Variants in RUBCN observed in about 807,000 individuals in gnomAD.
RUBCN encodes run domain Beclin-1-interacting and cysteine-rich domain-containing protein.
Under a neutral mutation model 113.2 loss-of-function variants are expected in RUBCN, and 74 were observed. That is an observed-to-expected ratio of 0.65 (90% CI 0.54 to 0.79). RUBCN has a LOEUF of 0.79. Ranked by LOEUF, RUBCN falls within the 30% of genes least tolerant of loss-of-function variation. The pLI is 0.00. For missense variants in RUBCN, 1,109 were observed against 1,251.7 expected, an observed-to-expected ratio of 0.89 and a Z score of 1.72; for synonymous variants, 480 against 490.0, an observed-to-expected ratio of 0.98 and a Z score of 0.27.
chr3:197,746,175 A>G (rs528046089), intron 1 of RUBCN, among the ~76,000 whole-genome samples: 1 of 152,270 alleles, frequency 6.6e-6, no homozygotes, highest in Non-Finnish European at 1.5e-5. Flanking sequence ...ATGACTAAGT[A>G]TAAAGTTTAC....
At chr3:197,735,012 T>C (rs1430648463) in intron 1 of RUBCN, among the ~76,000 whole-genome samples, 1 of 152,262 alleles carries the variant, frequency 6.6e-6, no homozygotes, top group Non-Finnish European at 1.5e-5. Flanking sequence ...CCCTTGTTGA[T>C]ATTTTCTCAG....
intron 11 of RUBCN, among the ~76,000 whole-genome samples, chr3:197,686,788 A>T (rs562746121): frequency 2.0e-4 from 30 of 152,210 alleles, no homozygotes; most frequent in Non-Finnish European, 3.8e-4. Flanking sequence ...TTTGTACAAA[A>T]ACAAGTATTG....
upstream of RUBCN, among the ~76,000 whole-genome samples, chr3:197,738,963 A>ATTAT (rs891557052): frequency 9.2e-5 from 14 of 151,478 alleles, no homozygotes; most frequent in African/African-American, 3.4e-4. Context: ...TTAACACTAT[A>ATTAT]TTATTTATTT....
At chr3:197,694,937 T>C (rs1722838906) in intron 9 of RUBCN, among the ~76,000 whole-genome samples, 1 of 152,236 alleles carries the variant, frequency 6.6e-6, no homozygotes, top group African/African-American at 2.4e-5. Flanking sequence ...GTCTATAAAA[T>C]GCTACACAGA....
chr3:197,719,994 G>A lies in RUBCN; in HGVS notation c.66-1864C>T, dbSNP rs543672842. Among the ~76,000 whole-genome samples, 31 of 152,114 alleles carry A rather than the reference G, an allele frequency of 2.0e-4. No individual in the cohort carries two copies. In the South Asian group the frequency reaches 2.7e-3, roughly 13 times the overall value. ...ACACCATACACTGCTGTTAACCCTCGTCATCTTACTGTGCACCAGAATGTA... is the reference window on the plus strand; with the variant it reads ...ACACCATACACTGCTGTTAACCCTCATCATCTTACTGTGCACCAGAATGTA... On this transcript the variant is annotated intron_variant, in intron 1 of 19. Coordinates refer to ENST00000296343, the MANE Select transcript of RUBCN (RefSeq NM_014687.4).
rs763349370 is a variant in RUBCN, at chr3:197,677,557, G to T, written c.2431-16C>A. 1 of 1,613,102 alleles carries T rather than the reference G, an allele frequency of 6.2e-7. No homozygotes were observed. The highest frequency in any genetic ancestry group is 2.2e-5 in the East Asian group (1 of 44,886). On this transcript the variant is annotated splice_polypyrimidine_tract_variant and intron_variant, in intron 16 of 19. Transcript: ENST00000296343. ...CCCGCAGCAGCTGAAAAGAAAGAGA[G>T]GGGGGCAGGAGTGGGAGGGAGATGT...
intron 11 of RUBCN, among the ~76,000 whole-genome samples, chr3:197,687,917 G>A (rs1171002508): frequency 1.3e-5 from 2 of 152,176 alleles, no homozygotes; most frequent in African/African-American, 2.4e-5. Flanking sequence ...AAGCCAGGAC[G>A]TCTGGATCTC....
In RUBCN at chr3:197,673,711, T is replaced by G. The variant is rs1267940756; in HGVS notation, c.*1307A>C. 7.9e-6 allele frequency: 1 copy of G among 126,528 alleles called. No homozygotes were observed. The highest frequency in any genetic ancestry group is 1.6e-5 in the Non-Finnish European group (1 of 61,872). The allele number at this position is 126,528 out of a possible 1,614,324, so 7.8% of individuals were successfully genotyped here. On this transcript the variant is annotated 3_prime_UTR_variant, in exon 20 of 20. Transcript: ENST00000296343. ...CCAAAATCAGCATTATCAAAAGGAC[T>G]TCACCATCAACACACATTAACGGGG...
rs112151178 is a variant in RUBCN at position 197,669,408 on chromosome 3, G to T, written c.*5610C>A. 0.031 allele frequency among the ~76,000 whole-genome samples: 4,662 copies of T among 152,230 alleles called. 140 individuals carry two copies. The highest frequency in any genetic ancestry group is 0.071 in the African/African-American group (2,949 of 41,528). On this transcript the variant is annotated 3_prime_UTR_variant, in exon 20 of 20. Coordinates refer to ENST00000296343, the MANE Select transcript of RUBCN (RefSeq NM_014687.4). ...TTCGAGACCTTGGCAATTTTGAGTA[G>T]GGTCAAGTGTTTTGTAGAAAGTTCC... is the stretch of plus-strand genomic sequence containing the variant.
At chr3:197,742,903 T>C (rs1728583896) in intron 1 of RUBCN, among the ~76,000 whole-genome samples, 1 of 152,246 alleles carries the variant, frequency 6.6e-6, no homozygotes, top group Non-Finnish European at 1.5e-5. Context: ...TTGTTTAGCT[T>C]TGGAAAATGC....
At chr3:197,713,934 G>A (rs142679505) in intron 2 of RUBCN, among the ~76,000 whole-genome samples, 4 of 151,990 alleles carry the variant, frequency 2.6e-5, no homozygotes, top group East Asian at 1.9e-4. Context: ...AAAATTAGCC[G>A]GGCGTGGTGG....
chr3:197,730,211 T>C (rs983956640), intron 1 of RUBCN, among the ~76,000 whole-genome samples: 13 of 152,194 alleles, frequency 8.5e-5, no homozygotes, highest in African/African-American at 3.1e-4. Flanking sequence ...ACCACCTCTC[T>C]ACTACTTACT....
upstream of RUBCN, chr3:197,749,805 C>T: frequency 6.3e-6 from 3 of 472,510 alleles, no homozygotes; most frequent in Non-Finnish European, 1.1e-5. Flanking sequence ...TCTGGTCGCC[C>T]GCGAGTGTCG....
upstream of RUBCN, among the ~76,000 whole-genome samples, chr3:197,739,820 G>A (rs1362997840): frequency 6.6e-6 from 1 of 152,196 alleles, no homozygotes; most frequent in African/African-American, 2.4e-5. Context: ...CGGGTCACTT[G>A]ACACCAGGAG....
chr3:197,748,680 C>T (rs1580433611), intron 1 of RUBCN, among the ~76,000 whole-genome samples: 1 of 152,112 alleles, frequency 6.6e-6, no homozygotes, highest in Admixed American at 6.5e-5. Context: ...TTAAGGTGAC[C>T]GCAAAATTGT....
rs1410971227 is a variant in RUBCN at position 197,676,966 on chromosome 3, C to A, written c.2565G>T (p.Leu855=). The A allele has an allele frequency of 6.2e-7, 1 of 1,614,200 alleles. No individual in the cohort carries two copies. Among genetic ancestry groups the A allele is most frequent in the Non-Finnish European group, 8.5e-7 (1 of 1,180,042 alleles). ...CCAGCTCCCCCTTCCTGGTCGCAGT[C>A]AGGTCATTCAGTGAGTACAGGTGGA... ...EDLHLYSLND[L]TATRKGELGP... is the part of the protein sequence containing the mutation. Residue 855 remains leucine, a synonymous_variant, in exon 18 of 20, where the codon CTG becomes CTT. Coordinates refer to ENST00000296343, the MANE Select transcript of RUBCN (RefSeq NM_014687.4).
intron 2 of RUBCN, among the ~76,000 whole-genome samples, chr3:197,716,932 G>A (rs185286267): frequency 1.3e-5 from 2 of 151,950 alleles, no homozygotes; most frequent in Non-Finnish European, 2.9e-5. Context: ...ACCAGCCTGG[G>A]CAACATGGTG....
chr3:197,701,407 C>T (rs1358809220), intron 6 of RUBCN, among the ~76,000 whole-genome samples: 1 of 152,142 alleles, frequency 6.6e-6, no homozygotes, highest in African/African-American at 2.4e-5. Context: ...CACATACAAA[C>T]TGAACACAAC....
intron 7 of RUBCN, among the ~76,000 whole-genome samples, chr3:197,698,863 T>TAAAAAAAGA (rs1723310002): frequency 1.3e-5 from 2 of 148,790 alleles, no homozygotes. Context: ...AAAAAAAATT[T>TAAAAAAAGA]AAAAAAAGAA....
Sources: allele counts gnomAD v4.1 joint callset (sites outside exome capture counted in the v4.1 genomes callset), GRCh38; gene constraint gnomAD v4.1.1; transcripts MANE v1.5; gene names NCBI Gene and HGNC (gene_info 2026-07-23, HGNC 2026-07-21).